Variants in TXNDC9 observed in about 807,000 individuals in gnomAD.
TXNDC9 encodes thioredoxin domain containing 9, also known as thioredoxin domain-containing protein 9.
In TXNDC9, 7 loss-of-function variants were observed where a neutral mutation model predicts 23.0. The observed-to-expected ratio is 0.30, with a 90% CI of 0.17 to 0.57. The LOEUF (loss-of-function observed/expected upper bound fraction) is 0.57, where lower values mean the gene tolerates loss of function less well. Among genes scored for constraint, TXNDC9 ranks in the 20% least tolerant of loss-of-function variants. The pLI, the probability that TXNDC9 is intolerant of heterozygous loss-of-function variation, is 0.90. For missense variants in TXNDC9, 198 were observed against 252.6 expected (o/e 0.78, Z 1.47); for synonymous variants, 72 against 90.6 (o/e 0.79, Z 1.17).
chr2:99,325,792 C>T (rs1168638257), intron 3 of TXNDC9, among the ~76,000 whole-genome samples: 1 of 152,074 alleles, frequency 6.6e-6, no homozygotes, highest in Non-Finnish European at 1.5e-5. Context: ...GGGTGGTTCA[C>T]CTGAGGTCAA....
chr2:99,307,034 CTT>C, the TXNDC9 span, among the ~76,000 whole-genome samples: 1 of 105,620 alleles, frequency 9.5e-6, no homozygotes, highest in African/African-American at 3.1e-5. Flanking sequence ...TTCCTTCTTC[CTT>C]TTCTTTCTTC....
downstream of TXNDC9, among the ~76,000 whole-genome samples, chr2:99,316,983 C>T (rs1007707500): frequency 1.1e-4 from 17 of 152,154 alleles, no homozygotes; most frequent in African/African-American, 3.6e-4. Flanking sequence ...GTCTCGATCT[C>T]CCGACCTCGT....
chr2:99,319,023 C>A lies in TXNDC9; in HGVS notation c.*659G>T, dbSNP rs1488958333. ...GCTTTTATGACAATTTCCACATAAA[C>A]TTCCAGTTACAGGTATTTTATTGAG... On this transcript the variant is annotated 3_prime_UTR_variant, in exon 5 of 5. Transcript: ENST00000264255. The A allele has an allele frequency of 2.0e-5, 3 of 152,226 alleles. No homozygotes were observed. The highest frequency in any genetic ancestry group is 7.2e-5 in the African/African-American group (3 of 41,466). 9.4% of individuals were successfully genotyped at this position (152,226 alleles called of 1,614,324 possible).
chr2:99,310,870 A>G, the TXNDC9 span, among the ~76,000 whole-genome samples: 3 of 152,292 alleles, frequency 2.0e-5, no homozygotes, highest in African/African-American at 7.2e-5. Flanking sequence ...TTTATGAACC[A>G]CTGCAGGAGG....
chr2:99,321,896 T>C (rs543656580), intron 4 of TXNDC9, 59 bp downstream of exon 4: 2 of 1,445,618 alleles, frequency 1.4e-6, no homozygotes, highest in East Asian at 4.9e-5. Context: ...CAAAAATCTT[T>C]TGTAAAAATA....
chr2:99,319,917 G>C (rs913178442), intron 4 of TXNDC9, 118 bp from the exon 5 acceptor site: 8 of 654,406 alleles, frequency 1.2e-5, no homozygotes, highest in African/African-American at 1.9e-5. Context: ...TTAAAATGCT[G>C]GTGTCAGGGA....
downstream of TXNDC9, among the ~76,000 whole-genome samples, chr2:99,318,658 C>T (rs540935737): frequency 9.2e-5 from 14 of 152,296 alleles, no homozygotes; most frequent in South Asian, 1.9e-3. Flanking sequence ...CTTCACTCTA[C>T]GTACGAGTAA....
intron 3 of TXNDC9, among the ~76,000 whole-genome samples, chr2:99,325,654 G>A (rs944377856): frequency 6.6e-6 from 1 of 152,160 alleles, no homozygotes; most frequent in Non-Finnish European, 1.5e-5. Context: ...AGAACAGTAG[G>A]TCACAATACA....
chr2:99,309,877 G>A, the TXNDC9 span, among the ~76,000 whole-genome samples: 1 of 151,448 alleles, frequency 6.6e-6, no homozygotes, highest in East Asian at 2.0e-4. Context: ...GTAGAGATGG[G>A]GTTTCACCAT....
intron 4 of TXNDC9, chr2:99,321,021 G>A (rs893431317): frequency 1.3e-5 from 2 of 151,922 alleles, no homozygotes; most frequent in African/African-American, 4.8e-5. Flanking sequence ...AATCTTCTGA[G>A]ATTACACAAG....
the TXNDC9 span, among the ~76,000 whole-genome samples, chr2:99,311,860 G>C: frequency 6.6e-6 from 1 of 152,194 alleles, no homozygotes; most frequent in South Asian, 2.1e-4. Context: ...TATTATATTA[G>C]CCCAAGGATG....
the TXNDC9 span, among the ~76,000 whole-genome samples, chr2:99,309,655 T>C: frequency 6.6e-6 from 1 of 151,950 alleles, no homozygotes; most frequent in Non-Finnish European, 1.5e-5. Context: ...CCGACATGGT[T>C]TATCTTCATG....
chr2:99,323,311 G>A (rs1480067716), intron 3 of TXNDC9, among the ~76,000 whole-genome samples: 2 of 152,102 alleles, frequency 1.3e-5, no homozygotes, highest in South Asian at 2.1e-4. Context: ...GGAGGCTGAG[G>A]CAGGAGAATC....
chr2:99,312,928 C>T, the TXNDC9 span, among the ~76,000 whole-genome samples: 22,370 of 151,856 alleles, frequency 0.15, 1,805 homozygotes, highest in East Asian at 0.26. Context: ...TTTGGGAGGC[C>T]GAGGCAGGAG....
At chr2:99,307,034 C>CTTCCT in the TXNDC9 span, among the ~76,000 whole-genome samples, 16 of 105,618 alleles carry the variant, frequency 1.5e-4, no homozygotes, top group African/African-American at 2.2e-4. Flanking sequence ...TTCCTTCTTC[C>CTTCCT]TTTTCTTTCT....
At chr2:99,320,961 C>CA (rs1282291321) in intron 4 of TXNDC9, among the ~76,000 whole-genome samples, 2 of 152,140 alleles carry the variant, frequency 1.3e-5, no homozygotes, top group East Asian at 3.9e-4. Flanking sequence ...AAATTGGTCT[C>CA]AAACTCCTGG....
the TXNDC9 span, among the ~76,000 whole-genome samples, chr2:99,311,527 G>C: frequency 1.3e-5 from 2 of 152,164 alleles, no homozygotes; most frequent in Admixed American, 6.5e-5. Context: ...CGAACTCCTG[G>C]GCTGAAGTGA....
intron 4 of TXNDC9, among the ~76,000 whole-genome samples, chr2:99,320,009 T>TA (rs1559233031): frequency 6.6e-6 from 1 of 152,166 alleles, no homozygotes; most frequent in African/African-American, 2.4e-5. Context: ...AGATCAATTT[T>TA]ATTTTCCTTT....
intron 1 of TXNDC9, among the ~76,000 whole-genome samples, chr2:99,335,169 CTA>C (rs1414653343): frequency 1.3e-5 from 2 of 152,162 alleles, no homozygotes; most frequent in African/African-American, 2.4e-5. Context: ...TATCAATGAA[CTA>C]TGATACATTT....
Sources: allele counts gnomAD v4.1 joint callset (sites outside exome capture counted in the v4.1 genomes callset), GRCh38; gene constraint gnomAD v4.1.1; transcripts MANE v1.5; gene names NCBI Gene and HGNC (gene_info 2026-07-23, HGNC 2026-07-21).